WNT3: variants seen among roughly 807,000 people sequenced by gnomAD.
The protein encoded by WNT3 is Wnt family member 3.
WNT3 carries 7 observed loss-of-function variants against 34.2 expected under a neutral mutation model. The ratio of observed to expected loss-of-function variants is 0.20; its 90% CI spans 0.12 to 0.38. WNT3 has a LOEUF of 0.38. Ranked by LOEUF, WNT3 falls within the 10% of genes least tolerant of loss-of-function variation. The probability of loss-of-function intolerance (pLI) is 1.00; values close to 1 mark genes in which losing one functional copy is unlikely to be tolerated. For missense variants in WNT3, 267 were observed against 499.8 expected (o/e 0.53, Z 4.44); for synonymous variants, 212 against 211.5 (o/e 1.00, Z -0.02).
intron 1 of WNT3, among the ~76,000 whole-genome samples, chr17:46,810,201 T>C (rs2084255633): frequency 1.3e-5 from 2 of 151,962 alleles, no homozygotes; most frequent in Non-Finnish European, 2.9e-5. Context: ...AGAGACAGGG[T>C]TTCACCATGT....
chr17:46,815,524 G>A (rs2084329485), intron 1 of WNT3, among the ~76,000 whole-genome samples: 1 of 152,132 alleles, frequency 6.6e-6, no homozygotes, highest in Admixed American at 6.5e-5. Context: ...GATGCTCAAA[G>A]TACTGGAATC....
intron 1 of WNT3, among the ~76,000 whole-genome samples, chr17:46,815,728 T>C (rs1180433767): frequency 1.3e-5 from 2 of 152,164 alleles, no homozygotes; most frequent in Non-Finnish European, 2.9e-5. Context: ...CAGGACAAGC[T>C]GGTGTCAAGG....
chr17:46,793,598 TGA>T (rs1490434091), intron 1 of WNT3, among the ~76,000 whole-genome samples: 1 of 152,104 alleles, frequency 6.6e-6, no homozygotes. Context: ...CATTTGTGTG[TGA>T]GACAGGACAA....
intron 2 of WNT3, among the ~76,000 whole-genome samples, chr17:46,772,831 T>G (rs1773327049): frequency 6.6e-6 from 1 of 150,922 alleles, no homozygotes; most frequent in Admixed American, 6.6e-5. Context: ...TCTGGCTGTA[T>G]AGGCAGCTCT....
intron 2 of WNT3, among the ~76,000 whole-genome samples, chr17:46,771,703 G>C (rs1259977304): frequency 2.1e-5 from 3 of 143,114 alleles, no homozygotes; most frequent in Non-Finnish European, 4.7e-5. Context: ...CGGCCGGGCC[G>C]CGCCCCCGGC....
At chr17:46,816,925 C>T (rs1468951863) in intron 1 of WNT3, among the ~76,000 whole-genome samples, 1 of 152,226 alleles carries the variant, frequency 6.6e-6, no homozygotes, top group Non-Finnish European at 1.5e-5. Flanking sequence ...AGCCTTTCCC[C>T]AGACTGGCCG....
At chr17:46,783,309 T>C (rs1200172348) in intron 1 of WNT3, among the ~76,000 whole-genome samples, 1 of 152,164 alleles carries the variant, frequency 6.6e-6, no homozygotes, top group East Asian at 1.9e-4. Flanking sequence ...GCCTGGTGAT[T>C]TGTGGAGTCA....
At chr17:46,779,430 G>A (rs547095164) in intron 1 of WNT3, among the ~76,000 whole-genome samples, 7 of 152,166 alleles carry the variant, frequency 4.6e-5, no homozygotes, top group Non-Finnish European at 7.4e-5. Flanking sequence ...CTCCTGGCCC[G>A]GCCCTTCCCT....
chr17:46,803,379 C>T (rs2084151384), intron 1 of WNT3, among the ~76,000 whole-genome samples: 2 of 152,284 alleles, frequency 1.3e-5, no homozygotes, highest in South Asian at 4.1e-4. Context: ...ACTAAAAATA[C>T]AAAACTTAGC....
chr17:46,769,091 A>C lies in WNT3; in HGVS notation c.589-292T>G, dbSNP rs1467636901. Among the ~76,000 whole-genome samples the C allele has an allele frequency of 2.6e-5, 4 of 152,132 alleles. No homozygotes were observed. In the East Asian group the frequency reaches 7.7e-4, roughly 29 times the overall value. ...CAGCACCTTGGGAGGCTGAGGCGGG[A>C]GGATCACCTGAAGTCAGGAGTTTGA... is the stretch of plus-strand genomic sequence containing the variant. On this transcript the variant is annotated intron_variant, in intron 3 of 4. Coordinates refer to ENST00000225512, the MANE Select transcript of WNT3 (RefSeq NM_030753.5).
intron 3 of WNT3, 23 bp downstream of exon 3, chr17:46,769,760 T>C (rs751080047): frequency 1.9e-6 from 3 of 1,607,136 alleles, no homozygotes; most frequent in Non-Finnish European, 2.5e-6. Flanking sequence ...CCTGAAGGGT[T>C]TGGGGAGGGT....
At chr17:46,801,701 T>C (rs1186648259) in intron 1 of WNT3, among the ~76,000 whole-genome samples, 1 of 152,114 alleles carries the variant, frequency 6.6e-6, no homozygotes, top group African/African-American at 2.4e-5. Flanking sequence ...AGAAGATCCG[T>C]TGAGGCTGAG....
intron 1 of WNT3, among the ~76,000 whole-genome samples, chr17:46,780,194 G>A (rs1475484460): frequency 2.0e-5 from 3 of 152,210 alleles, no homozygotes; most frequent in Non-Finnish European, 4.4e-5. Context: ...CTGACACTGG[G>A]GTTGTTGGCC....
intron 1 of WNT3, among the ~76,000 whole-genome samples, chr17:46,785,068 T>C (rs531204367): frequency 8.4e-4 from 128 of 152,276 alleles, no homozygotes; most frequent in East Asian, 3.1e-3. Flanking sequence ...TGAGCCACCG[T>C]GCCCGGCCTC....
At chr17:46,779,987 G>A (rs926394204) in intron 1 of WNT3, among the ~76,000 whole-genome samples, 5 of 152,294 alleles carry the variant, frequency 3.3e-5, no homozygotes, top group Non-Finnish European at 2.9e-5. Flanking sequence ...TGGAACTCCT[G>A]ACCAAGTGAT....
chr17:46,815,321 G>C (rs2084326881), intron 1 of WNT3, among the ~76,000 whole-genome samples: 1 of 152,230 alleles, frequency 6.6e-6, no homozygotes, highest in Non-Finnish European at 1.5e-5. Flanking sequence ...AGGGGTGTCA[G>C]TCTGAGGCCC....
chr17:46,783,332 G>A (rs779158911), intron 1 of WNT3, among the ~76,000 whole-genome samples: 10 of 152,224 alleles, frequency 6.6e-5, no homozygotes, highest in Non-Finnish European at 1.5e-4. Context: ...GGAAGTGCCT[G>A]TCCTTCAGAG....
At chr17:46,803,349 C>T (rs2084150924) in intron 1 of WNT3, among the ~76,000 whole-genome samples, 1 of 152,208 alleles carries the variant, frequency 6.6e-6, no homozygotes, top group Admixed American at 6.5e-5. Flanking sequence ...GCCTTGCCAA[C>T]ATGGCAAAAC....
At chr17:46,814,721 C>T (rs921693011) in intron 1 of WNT3, among the ~76,000 whole-genome samples, 4 of 152,230 alleles carry the variant, frequency 2.6e-5, no homozygotes, top group African/African-American at 4.8e-5. Context: ...CTTCCTCCCC[C>T]GCAGTCTCCA....
Sources: gnomAD v4.1 joint callset for allele counts (sites outside exome capture counted in the v4.1 genomes callset) on GRCh38, gnomAD v4.1.1 for gene constraint, MANE v1.5 for transcripts, NCBI Gene and HGNC (gene_info 2026-07-23, HGNC 2026-07-21) for gene names.